KIF13A: variants seen among roughly 807,000 people sequenced by gnomAD.
KIF13A encodes kinesin family member 13A, also known as kinesin-like protein KIF13A.
A neutral mutation model predicts 212.2 loss-of-function variants in KIF13A; 79 were observed. The ratio of observed to expected loss-of-function variants is 0.37; its 90% CI spans 0.31 to 0.45. The LOEUF (loss-of-function observed/expected upper bound fraction) is 0.45, where lower values mean the gene tolerates loss of function less well. KIF13A is among the 20% of genes least tolerant of loss of function. The probability of loss-of-function intolerance (pLI) is 1.00; values close to 1 mark genes in which losing one functional copy is unlikely to be tolerated. For missense variants in KIF13A, 1,901 were observed against 2,209.0 expected (o/e 0.86, Z 2.79); for synonymous variants, 789 against 808.6 (o/e 0.98, Z 0.41).
At chr6:17,976,868 A>G (rs970987547) in intron 2 of KIF13A, among the ~76,000 whole-genome samples, 2 of 151,510 alleles carry the variant, frequency 1.3e-5, no homozygotes, top group Admixed American at 6.6e-5. Context: ...TTGGGAGGCC[A>G]AGGTGGGTGG....
chr6:17,794,466 A>G lies in KIF13A; in HGVS notation c.3076-71T>C. 3 of 1,562,378 alleles carry G rather than the reference A, an allele frequency of 1.9e-6. No individual in the cohort carries two copies. The highest frequency in any genetic ancestry group is 3.7e-5 in the Admixed American group (2 of 54,596). On this transcript the variant is annotated intron_variant, in intron 24 of 38. Coordinates refer to ENST00000259711, the MANE Select transcript of KIF13A (RefSeq NM_022113.6). This position sits in a 1 kb window ranked among gnomAD's most constrained non-coding sequence, Gnocchi z 4.1. ...AAGGAACGGGATAAAGAAGGGGAAA[A>G]GGATTAGAGAATAAAGATACAAATA...
At chr6:17,827,269 A>AT (rs1581439150) in intron 14 of KIF13A, among the ~76,000 whole-genome samples, 1 of 150,772 alleles carries the variant, frequency 6.6e-6, no homozygotes. Flanking sequence ...CATTTTTCGT[A>AT]TTTTTTTGTA....
intron 4 of KIF13A, among the ~76,000 whole-genome samples, chr6:17,862,973 C>T (rs553284289): frequency 6.6e-6 from 1 of 151,680 alleles, no homozygotes; most frequent in East Asian, 1.9e-4. Context: ...AACAAACAAA[C>T]AAAAAAACAA....
At chr6:17,952,203 C>CA (rs1777914990) in intron 2 of KIF13A, among the ~76,000 whole-genome samples, 3 of 150,614 alleles carry the variant, frequency 2.0e-5, no homozygotes, top group Non-Finnish European at 4.4e-5. Flanking sequence ...ACTCGGGAGG[C>CA]TGAGGCAGGA....
Position 17,779,740 on chromosome 6 carries a change from G to GTTTTTTTTTTTTTTTTTTT in KIF13A, c.3847-57_3847-56insAAAAAAAAAAAAAAAAAAA, listed in dbSNP as rs201272106. 2 of 455,000 alleles carry GTTTTTTTTTTTTTTTTTTT rather than the reference G, an allele frequency of 4.4e-6. 1 individual carries two copies. The highest frequency in any genetic ancestry group is 7.4e-6 in the Non-Finnish European group (2 of 268,954). The allele number at this position is 455,000 out of a possible 1,614,324, so 28.2% of individuals were successfully genotyped here. On this transcript the variant is annotated intron_variant, in intron 31 of 38. Coordinates refer to ENST00000259711, the MANE Select transcript of KIF13A (RefSeq NM_022113.6). ...CTATGTGACAAATGTAAGTTATTTTGTATTTTTTTTTTTTTTTTTGAGATG... is the reference window on the plus strand; with the variant it reads ...CTATGTGACAAATGTAAGTTATTTTGTTTTTTTTTTTTTTTTTTTTATTTTTTTTTTTTTTTTTGAGATG...
chr6:17,926,335 T>A lies in KIF13A; in HGVS notation c.147-28155A>T, dbSNP rs1194683650. ...CAACCTTCTGTCTCCTGGGTTCAAG[T>A]GATTCTCGTGCCTCAGTCTCCCGAG... is the stretch of plus-strand genomic sequence containing the variant. On this transcript the variant is annotated intron_variant, in intron 2 of 38. Transcript: ENST00000259711. This position sits in a 1 kb window ranked among gnomAD's most constrained non-coding sequence, Gnocchi z 4.3. Among the ~76,000 whole-genome samples, 1 of 152,146 alleles carries A rather than the reference T, an allele frequency of 6.6e-6. No individual in the cohort carries two copies. The highest frequency in any genetic ancestry group is 1.5e-5 in the Non-Finnish European group (1 of 68,038).
Position 17,809,047 on chromosome 6 carries a change from C to G in KIF13A, c.2001-117G>C. 1 of 963,440 alleles carries G rather than the reference C, an allele frequency of 1.0e-6. No individual in the cohort carries two copies. The highest frequency in any genetic ancestry group is 1.5e-6 in the Non-Finnish European group (1 of 673,272). 59.7% of individuals were successfully genotyped at this position (963,440 alleles called of 1,614,324 possible). A position where few individuals can be genotyped will look rare whatever the true frequency, so the allele number is the denominator to read the frequency against. On this transcript the variant is annotated intron_variant, in intron 17 of 38. Coordinates refer to ENST00000259711, the MANE Select transcript of KIF13A (RefSeq NM_022113.6). The surrounding 1 kb of genome is among the most constrained non-coding windows in gnomAD (Gnocchi z 4.7). Reference sequence around the variant, plus strand: ...CTCCTCTCGGGCAGTATTTTTCAAACTATTTTACCAGACTACCTCTCATCC... The same window carrying G: ...CTCCTCTCGGGCAGTATTTTTCAAAGTATTTTACCAGACTACCTCTCATCC...
intron 20 of KIF13A, 129 bp downstream of exon 20, chr6:17,804,232 C>T: frequency 1.4e-6 from 1 of 712,272 alleles, no homozygotes; most frequent in Non-Finnish European, 2.1e-6. Flanking sequence ...AAAAAGAATG[C>T]AGACCTTGAC....
intron 3 of KIF13A, among the ~76,000 whole-genome samples, chr6:17,878,482 G>A (rs1770770789): frequency 1.4e-5 from 2 of 138,028 alleles, no homozygotes; most frequent in Non-Finnish European, 3.1e-5. Flanking sequence ...GGGTCATGTT[G>A]TGTTGCCAAG....
In KIF13A at chr6:17,883,489, A is replaced by G. The variant is rs578182096; in HGVS notation, c.160-10052T>C. Reference sequence around the variant, plus strand: ...CAGTCAGTGTAAATCCTTCAGTGGCACAGCCAGGATAGCAGCACCCCAACG... The same window carrying G: ...CAGTCAGTGTAAATCCTTCAGTGGCGCAGCCAGGATAGCAGCACCCCAACG... On this transcript the variant is annotated intron_variant, in intron 3 of 38. Coordinates refer to ENST00000259711, the MANE Select transcript of KIF13A (RefSeq NM_022113.6). The surrounding 1 kb of genome is among the most constrained non-coding windows in gnomAD (Gnocchi z 4.8). 1.3e-5 allele frequency among the ~76,000 whole-genome samples: 2 copies of G among 152,308 alleles called. No homozygotes were observed. The highest frequency in any genetic ancestry group is 3.9e-4 in the East Asian group (2 of 5,186).
chr6:17,766,511 T>C (rs183793350), intron 38 of KIF13A, among the ~76,000 whole-genome samples: 2 of 152,232 alleles, frequency 1.3e-5, no homozygotes, highest in Admixed American at 1.3e-4. Context: ...GTGCTGCGAT[T>C]ACAGGCATGA....
chr6:17,835,523 A>G (rs1250662490), intron 11 of KIF13A, among the ~76,000 whole-genome samples: 3 of 152,208 alleles, frequency 2.0e-5, no homozygotes, highest in Admixed American at 1.3e-4. Context: ...ATTATAAATT[A>G]TAATAAAAAT....
chr6:17,804,473 T>C lies in KIF13A; in HGVS notation c.2342A>G (p.Tyr781Cys), dbSNP rs757188997. 3.1e-6 allele frequency: 5 copies of C among 1,596,802 alleles called. No individual in the cohort carries two copies. The South Asian group carries it at 3.4e-5, about 11-fold the overall frequency. Residue 781 changes from tyrosine to cysteine, a missense_variant, in exon 20 of 39, where the codon TAT becomes TGT. Physicochemically the swap from Tyr to Cys is radical, Grantham distance 194. Transcript: ENST00000259711. The stretch of plus-strand genomic sequence containing the variant: ...GAGGTTGTGATTTTCTTGGGCTTCA[T>C]AGAAAGGGTCACCTCGTTTTCCGTA... ...RLYGKRGDPF[Y>C]EAQENHNLIG...
At chr6:17,796,012 G>C in intron 23 of KIF13A, among the ~76,000 whole-genome samples, 1 of 152,120 alleles carries the variant, frequency 6.6e-6, no homozygotes, top group East Asian at 1.9e-4. Context: ...TAGAGATGTA[G>C]TTGTTTCAGT....
chr6:17,917,975 C>T (rs2150515488), intron 2 of KIF13A, among the ~76,000 whole-genome samples: 1 of 152,186 alleles, frequency 6.6e-6, no homozygotes. Flanking sequence ...TTCTTTCTCC[C>T]CCTTGGTCCA....
chr6:17,927,799 G>A (rs1319230946), intron 2 of KIF13A, among the ~76,000 whole-genome samples: 1 of 152,200 alleles, frequency 6.6e-6, no homozygotes. Context: ...GTGAGGATAT[G>A]GGAGGCTGGT....
intron 2 of KIF13A, among the ~76,000 whole-genome samples, chr6:17,938,664 A>G (rs1296517164): frequency 6.6e-6 from 1 of 152,130 alleles, no homozygotes; most frequent in Non-Finnish European, 1.5e-5. Flanking sequence ...ATCTCACTGA[A>G]ATGTCAGAAT....
At chr6:17,916,513 G>A (rs1448647676) in intron 2 of KIF13A, among the ~76,000 whole-genome samples, 1 of 152,172 alleles carries the variant, frequency 6.6e-6, no homozygotes, top group African/African-American at 2.4e-5. Context: ...TGCCATGTCT[G>A]AATCGGTTTT....
In KIF13A at chr6:17,771,921, A is replaced by C. The variant is rs756620344; in HGVS notation, c.4463T>G (p.Leu1488Arg). Residue 1488 changes from leucine (L) to arginine (R), a missense_variant, in exon 37 of 39, where the codon CTT becomes CGT. By Grantham distance (102) the Leu-to-Arg change is moderately radical. This residue lies in a region of KIF13A where 687 missense variants were observed against 759.1 expected (regional missense o/e 0.90). Transcript: ENST00000259711. The surrounding 1 kb of genome is among the most constrained non-coding windows in gnomAD (Gnocchi z 5.4). ...KKRIALEARP[L>R]LSQESMPPPQ... Reference sequence around the variant, plus strand: ...TCAAGCATTTACCTCCTGGCTTAGAAGAGGCCTTGCTTCCAGGGCTATCCT... The same window carrying C: ...TCAAGCATTTACCTCCTGGCTTAGACGAGGCCTTGCTTCCAGGGCTATCCT... 6.2e-7 allele frequency: 1 copy of C among 1,614,018 alleles called. No homozygotes were observed. The highest frequency in any genetic ancestry group is 8.5e-7 in the Non-Finnish European group (1 of 1,179,876).
Sources: allele counts gnomAD v4.1 joint callset (sites outside exome capture counted in the v4.1 genomes callset), GRCh38; gene constraint gnomAD v4.1.1; regional missense constraint gnomAD v4.1.1; non-coding constraint Gnocchi (gnomAD v3.1); transcripts MANE v1.5; gene names NCBI Gene and HGNC (gene_info 2026-07-23, HGNC 2026-07-21).